Variants in SSBP2 observed in about 807,000 individuals in gnomAD.
SSBP2 encodes single stranded DNA binding protein 2.
SSBP2 carries 17 observed loss-of-function variants against 61.8 expected under a neutral mutation model. The observed-to-expected ratio is 0.28, with a 90% CI of 0.19 to 0.41. SSBP2 has a LOEUF of 0.41. SSBP2 is among the 10% of genes least tolerant of loss of function. The pLI, the probability that SSBP2 is intolerant of heterozygous loss-of-function variation, is 1.00. For synonymous variants in SSBP2, 139 were observed against 141.3 expected, an observed-to-expected ratio of 0.98 and a Z score of 0.12; for missense variants, 310 against 458.7, an observed-to-expected ratio of 0.68 and a Z score of 2.96.
At chr5:81,640,810 CT>C (rs1748718350) in intron 2 of SSBP2, among the ~76,000 whole-genome samples, 1 of 152,016 alleles carries the variant, frequency 6.6e-6, no homozygotes, top group African/African-American at 2.4e-5. Flanking sequence ...ATGTCTCATC[CT>C]TCTCTCAAAC....
intron 1 of SSBP2, among the ~76,000 whole-genome samples, chr5:81,658,709 T>G (rs1750439117): frequency 6.6e-6 from 1 of 152,100 alleles, no homozygotes; most frequent in Admixed American, 6.6e-5. Flanking sequence ...GTCCTCCAGG[T>G]TCATCCATGT....
intron 5 of SSBP2, among the ~76,000 whole-genome samples, chr5:81,507,517 A>G (rs1239699993): frequency 1.3e-5 from 2 of 152,158 alleles, no homozygotes; most frequent in Non-Finnish European, 1.5e-5. Flanking sequence ...TCAAAATTAG[A>G]TATTAACAGG....
At chr5:81,670,516 G>T (rs1751510194) in intron 1 of SSBP2, among the ~76,000 whole-genome samples, 1 of 152,044 alleles carries the variant, frequency 6.6e-6, no homozygotes, top group African/African-American at 2.4e-5. Context: ...CAAGTTTACT[G>T]TAACAATAAG....
intron 4 of SSBP2, among the ~76,000 whole-genome samples, chr5:81,587,094 T>G (rs961119501): frequency 6.6e-5 from 10 of 152,182 alleles, no homozygotes; most frequent in Non-Finnish European, 1.2e-4. Context: ...TTTGTTCTTT[T>G]TTTTGCTTAA....
chr5:81,433,135 T>G (rs376782653), intron 15 of SSBP2, among the ~76,000 whole-genome samples: 76 of 152,028 alleles, frequency 5.0e-4, no homozygotes, highest in Non-Finnish European at 8.7e-4. Context: ...GAACGGGCCA[T>G]GATGACAATG....
chr5:81,723,056 T>C (rs1432641452), intron 1 of SSBP2, among the ~76,000 whole-genome samples: 1 of 152,030 alleles, frequency 6.6e-6, no homozygotes, highest in Non-Finnish European at 1.5e-5. Context: ...ACTCTTATTC[T>C]TCTTTCCTTT....
At chr5:81,464,612 A>G (rs916088505) in intron 9 of SSBP2, among the ~76,000 whole-genome samples, 4 of 152,140 alleles carry the variant, frequency 2.6e-5, no homozygotes, top group African/African-American at 7.2e-5. Context: ...AGGGTTGGGA[A>G]TTTTTTATTG....
At chr5:81,542,142 C>A (rs1222978247) in intron 4 of SSBP2, among the ~76,000 whole-genome samples, 1 of 152,072 alleles carries the variant, frequency 6.6e-6, no homozygotes, top group African/African-American at 2.4e-5. Context: ...GACATACAAG[C>A]GGCCAACAAA....
At chr5:81,710,280 G>A in intron 1 of SSBP2, among the ~76,000 whole-genome samples, 1 of 151,996 alleles carries the variant, frequency 6.6e-6, no homozygotes, top group East Asian at 1.9e-4. Context: ...AGAAAAATGT[G>A]GCTTCCTCGC....
chr5:81,720,534 A>G (rs1755475520), intron 1 of SSBP2, among the ~76,000 whole-genome samples: 1 of 152,220 alleles, frequency 6.6e-6, no homozygotes, highest in African/African-American at 2.4e-5. Context: ...CTTCTGTTTA[A>G]ATGTTTGCAT....
intron 4 of SSBP2, among the ~76,000 whole-genome samples, chr5:81,537,967 TTAATAACCCTA>T (rs1770942647): frequency 6.6e-6 from 1 of 152,128 alleles, no homozygotes; most frequent in Non-Finnish European, 1.5e-5. Flanking sequence ...ATTAGGCCAA[TTAATAACCCTA>T]TAATGGCCCC....
intron 15 of SSBP2, among the ~76,000 whole-genome samples, chr5:81,431,308 T>A (rs1173677813): frequency 1.3e-5 from 2 of 152,182 alleles, no homozygotes; most frequent in East Asian, 3.9e-4. Context: ...GAATATGTAC[T>A]TTATTCCCTA....
intron 1 of SSBP2, among the ~76,000 whole-genome samples, chr5:81,741,859 G>C (rs1042295213): frequency 6.6e-6 from 1 of 152,156 alleles, no homozygotes; most frequent in Non-Finnish European, 1.5e-5. Flanking sequence ...TTTGTTTAAT[G>C]AAAGTACTGA....
chr5:81,552,465 C>G (rs1479292892), intron 4 of SSBP2, among the ~76,000 whole-genome samples: 1 of 151,728 alleles, frequency 6.6e-6, no homozygotes, highest in African/African-American at 2.4e-5. Flanking sequence ...ATGGTAAAAC[C>G]CTGTCTCTAC....
intron 1 of SSBP2, among the ~76,000 whole-genome samples, chr5:81,660,403 CAT>C (rs1750586635): frequency 6.6e-6 from 1 of 152,140 alleles, no homozygotes; most frequent in Non-Finnish European, 1.5e-5. Context: ...AGCCAACAAA[CAT>C]ATGAGAAAAA....
intron 3 of SSBP2, 124 bp downstream of exon 3, chr5:81,636,433 C>A: frequency 1.4e-6 from 1 of 705,438 alleles, no homozygotes. Context: ...TTAAAAAGTG[C>A]TACCTTCCAG....
At chr5:81,592,936 C>A (rs565585965) in intron 4 of SSBP2, among the ~76,000 whole-genome samples, 2 of 152,170 alleles carry the variant, frequency 1.3e-5, no homozygotes, top group Non-Finnish European at 2.9e-5. Context: ...CAGAGCGCCT[C>A]TCCTCCTCCA....
rs543629951 is a variant in SSBP2 at position 81,668,723 on chromosome 5, CA to C, written c.63-18385del. On this transcript the variant is annotated intron_variant, in intron 1 of 16. Coordinates refer to ENST00000320672, the MANE Select transcript of SSBP2 (RefSeq NM_012446.5). ...CAGTCAATAATATTAAATATTTTTA[CA>C]AAAAAATTTTGGAATATTCATTTGA... Among the ~76,000 whole-genome samples the C allele has an allele frequency of 5.2e-3, 788 of 151,832 alleles. 10 individuals are homozygous for C. The highest frequency in any genetic ancestry group is 0.019 in the African/African-American group (768 of 41,430).
chr5:81,472,550 T>C (rs1765317150), intron 8 of SSBP2, among the ~76,000 whole-genome samples: 1 of 152,198 alleles, frequency 6.6e-6, no homozygotes, highest in Admixed American at 6.6e-5. Flanking sequence ...TATGGAAATA[T>C]ATTTTATACT....
Sources: allele counts gnomAD v4.1 joint callset (sites outside exome capture counted in the v4.1 genomes callset), GRCh38; gene constraint gnomAD v4.1.1; transcripts MANE v1.5; gene names NCBI Gene and HGNC (gene_info 2026-07-23, HGNC 2026-07-21).